MBNL2: variants seen among roughly 807,000 people sequenced by gnomAD.
The protein encoded by MBNL2 is muscleblind like splicing regulator 2.
Under a neutral mutation model 41.9 loss-of-function variants are expected in MBNL2, and 17 were observed. That is an observed-to-expected ratio of 0.41 (90% CI 0.28 to 0.61). The LOEUF is 0.61. Ranked by LOEUF, MBNL2 falls within the 20% of genes least tolerant of loss-of-function variation. The pLI, the probability that MBNL2 is intolerant of heterozygous loss-of-function variation, is 0.35. For missense variants in MBNL2, 336 were observed against 505.6 expected, an observed-to-expected ratio of 0.66 and a Z score of 3.22; for synonymous variants, 195 against 182.9, an observed-to-expected ratio of 1.07 and a Z score of -0.53.
the MBNL2 span, among the ~76,000 whole-genome samples, chr13:97,183,541 T>A: frequency 3.3e-5 from 5 of 152,190 alleles, no homozygotes; most frequent in Non-Finnish European, 5.9e-5. Flanking sequence ...CCCAAAGGGA[T>A]CCTCTCTGCC....
intron 2 of MBNL2, among the ~76,000 whole-genome samples, chr13:97,322,312 G>A (rs1203309735): frequency 6.6e-6 from 1 of 152,100 alleles, no homozygotes; most frequent in Non-Finnish European, 1.5e-5. Context: ...GCTTCCCCCT[G>A]CTGCAGTCCA....
chr13:97,156,055 C>T, the MBNL2 span, among the ~76,000 whole-genome samples: 1 of 106,978 alleles, frequency 9.3e-6, no homozygotes, highest in East Asian at 2.7e-4. Flanking sequence ...CTCTCCAGCA[C>T]CTGTTGTTTC....
intron 2 of MBNL2, among the ~76,000 whole-genome samples, chr13:97,320,553 G>A (rs146392575): frequency 1.4e-4 from 21 of 151,938 alleles, no homozygotes; most frequent in Middle Eastern, 3.4e-3. Context: ...ACTGCTCCCA[G>A]CCTGGAAGGG....
Position 97,334,469 on chromosome 13 carries a change from T to C in MBNL2, c.339+29T>C, listed in dbSNP as rs754173996. ...AGTACATCTTTATTCAGTGATGAGTTGGATGGTTACAGTGTTGGTATGGAT... is the reference window on the plus strand; with the variant it reads ...AGTACATCTTTATTCAGTGATGAGTCGGATGGTTACAGTGTTGGTATGGAT... On this transcript the variant is annotated intron_variant, in intron 3 of 8. Transcript: ENST00000679496. This position sits in a 1 kb window ranked among gnomAD's most constrained non-coding sequence, Gnocchi z 5.3. 3 of 1,570,160 alleles carry C rather than the reference T, an allele frequency of 1.9e-6. No homozygotes were observed. In the Admixed American group the frequency reaches 5.3e-5, roughly 28 times the overall value.
intron 2 of MBNL2, among the ~76,000 whole-genome samples, chr13:97,290,982 ATGAGTAAGACAGAAAC>A (rs2055831939): frequency 6.6e-6 from 1 of 152,158 alleles, no homozygotes; most frequent in Non-Finnish European, 1.5e-5. Context: ...GCCTGACATC[ATGAGTAAGACAGAAAC>A]TGTGTAGGTG....
chr13:97,165,512 T>C, the MBNL2 span, among the ~76,000 whole-genome samples: 1 of 152,188 alleles, frequency 6.6e-6, no homozygotes, highest in African/African-American at 2.4e-5. Flanking sequence ...GGAGAGTGAA[T>C]CAAAATTTCA....
At chr13:97,356,948 T>A in intron 6 of MBNL2, 99 bp downstream of exon 6, 1 of 641,424 alleles carries the variant, frequency 1.6e-6, no homozygotes, top group Non-Finnish European at 2.3e-6. Flanking sequence ...CAATCATTAT[T>A]ATTAATTTAT....
At chr13:97,357,996 T>G (rs756002354) in intron 7 of MBNL2, among the ~76,000 whole-genome samples, 2 of 152,142 alleles carry the variant, frequency 1.3e-5, no homozygotes, top group African/African-American at 2.4e-5. Context: ...AAAATAGCAA[T>G]TCCAGTAAAT....
chr13:97,280,068 G>A lies in MBNL2; in HGVS notation c.174+3659G>A, dbSNP rs116956326. 8.2e-3 allele frequency among the ~76,000 whole-genome samples: 1,253 copies of A among 152,210 alleles called. 22 individuals carry two copies. The highest frequency in any genetic ancestry group is 8.6e-3 in the Non-Finnish European group (586 of 68,010). On this transcript the variant is annotated intron_variant, in intron 2 of 8. Transcript: ENST00000679496. ...CACATTCCAGAATGCTGTGTTCCAC[G>A]AGTTAGGTTAACTTGACAAAATGCA... is the stretch of plus-strand genomic sequence containing the variant.
intron 1 of MBNL2, among the ~76,000 whole-genome samples, chr13:97,258,263 G>A (rs1215024729): frequency 2.0e-5 from 3 of 150,250 alleles, no homozygotes; most frequent in Non-Finnish European, 3.0e-5. Flanking sequence ...GTAAATATTT[G>A]TTGTTGATTT....
At chr13:97,245,988 C>T (rs1478423084) in intron 1 of MBNL2, among the ~76,000 whole-genome samples, 8 of 152,064 alleles carry the variant, frequency 5.3e-5, no homozygotes, top group Admixed American at 5.2e-4. Flanking sequence ...ATGTTTTTCT[C>T]CCTAATTTAA....
chr13:97,253,759 C>T (rs376198499), intron 1 of MBNL2, among the ~76,000 whole-genome samples: 25 of 131,558 alleles, frequency 1.9e-4, no homozygotes, highest in African/African-American at 6.1e-4. Context: ...TTTATTAATA[C>T]GTATTAATTT....
chr13:97,367,631 G>C (rs2063964951), intron 8 of MBNL2, among the ~76,000 whole-genome samples: 1 of 152,136 alleles, frequency 6.6e-6, no homozygotes, highest in Admixed American at 6.5e-5. Flanking sequence ...CCTACAAAGA[G>C]AGGCGTGAGT....
chr13:97,170,157 G>C, the MBNL2 span, among the ~76,000 whole-genome samples: 1 of 152,134 alleles, frequency 6.6e-6, no homozygotes, highest in South Asian at 2.1e-4. Context: ...TTACTTGCCT[G>C]AGTTCATCTT....
At chr13:97,354,773 G>A (rs1227395107) in intron 5 of MBNL2, among the ~76,000 whole-genome samples, 3 of 152,092 alleles carry the variant, frequency 2.0e-5, no homozygotes, top group Non-Finnish European at 2.9e-5. Flanking sequence ...AGACATAATC[G>A]CTCATCTAGT....
intron 8 of MBNL2, among the ~76,000 whole-genome samples, chr13:97,378,415 G>A (rs905687377): frequency 6.6e-6 from 1 of 152,172 alleles, no homozygotes; most frequent in Admixed American, 6.5e-5. Flanking sequence ...TTTAAAGAGT[G>A]GGAAATCCTG....
chr13:97,265,413 C>A (rs2049535956), intron 1 of MBNL2, among the ~76,000 whole-genome samples: 1 of 151,976 alleles, frequency 6.6e-6, no homozygotes, highest in Non-Finnish European at 1.5e-5. Flanking sequence ...GACAAAATAC[C>A]ATGTAAAATG....
At position 97,366,401 on chromosome 13, in the gene MBNL2, C is replaced by G; in HGVS notation, c.1048+1230C>G. 1.2e-6 allele frequency: 1 copy of G among 827,220 alleles called. No homozygotes were observed. The highest frequency in any genetic ancestry group is 2.0e-5 in the Admixed American group (1 of 50,062). 51.2% of individuals were successfully genotyped at this position (827,220 alleles called of 1,614,324 possible). ...TATTCACCATGCCAAAATACCACTT[C>G]TATTACCATAATGCTACACCCTCCT... On this transcript the variant is annotated intron_variant, in intron 8 of 8. Coordinates refer to ENST00000679496, the MANE Select transcript of MBNL2 (RefSeq NM_001382683.1). This position sits in a 1 kb window ranked among gnomAD's most constrained non-coding sequence, Gnocchi z 4.7.
chr13:97,218,260 A>C (rs1404310216), upstream of MBNL2, among the ~76,000 whole-genome samples: 4 of 151,972 alleles, frequency 2.6e-5, no homozygotes, highest in Non-Finnish European at 5.9e-5. Flanking sequence ...AATATAAAAA[A>C]TTAGCTGGGC....
Sources: allele counts gnomAD v4.1 joint callset (sites outside exome capture counted in the v4.1 genomes callset), GRCh38; gene constraint gnomAD v4.1.1; non-coding constraint Gnocchi (gnomAD v3.1); transcripts MANE v1.5; gene names NCBI Gene and HGNC (gene_info 2026-07-23, HGNC 2026-07-21).